The following FDCSP variants were observed in gnomAD, a reference collection of about 807,000 sequenced individuals.
The protein encoded by FDCSP is follicular dendritic cell secreted protein.
A neutral mutation model predicts 8.9 loss-of-function variants in FDCSP; 8 were observed. The observed-to-expected ratio is 0.90, with a 90% confidence interval of 0.53 to 1.63. The LOEUF is 1.63. Among genes scored for constraint, FDCSP ranks in the 40% most tolerant of loss-of-function variants. FDCSP has a pLI of 0.00. For synonymous variants in FDCSP, 34 were observed against 34.5 expected (o/e 0.98, Z 0.06); for missense variants, 101 against 103.6 (o/e 0.98, Z 0.11).
intron 1 of FDCSP, among the ~76,000 whole-genome samples, chr4:70,226,919 T>TG (rs1729996622): frequency 6.6e-6 from 1 of 151,920 alleles, no homozygotes; most frequent in Non-Finnish European, 1.5e-5. Flanking sequence ...GAATAATTCT[T>TG]GAAACCAGTT....
intron 4 of FDCSP, among the ~76,000 whole-genome samples, chr4:70,234,839 A>T (rs1217714485): frequency 1.3e-5 from 2 of 150,486 alleles, no homozygotes; most frequent in Non-Finnish European, 3.0e-5. Flanking sequence ...AATTTAATAT[A>T]TATAATTTAA....
chr4:70,232,908 G>A, intron 2 of FDCSP, 86 bp from the exon 3 acceptor site: 2 of 1,053,670 alleles, frequency 1.9e-6, no homozygotes, highest in East Asian at 2.7e-5. Context: ...AACAATATTA[G>A]GTAATAGATT....
At chr4:70,230,327 G>T (rs1226436646) in intron 1 of FDCSP, among the ~76,000 whole-genome samples, 3 of 151,764 alleles carry the variant, frequency 2.0e-5, no homozygotes, top group South Asian at 4.1e-4. Flanking sequence ...CAAGTAATAT[G>T]CACATGTTTA....
At chr4:70,230,735 T>C (rs1307737842) in intron 1 of FDCSP, among the ~76,000 whole-genome samples, 1 of 151,708 alleles carries the variant, frequency 6.6e-6, no homozygotes, top group Non-Finnish European at 1.5e-5. Context: ...GTATATGGAA[T>C]GTTGAACTCT....
intron 1 of FDCSP, among the ~76,000 whole-genome samples, chr4:70,230,789 T>C (rs1239028350): frequency 6.6e-6 from 1 of 151,820 alleles, no homozygotes. Context: ...TAACATTCTC[T>C]GTATAAACCA....
intron 2 of FDCSP, 71 bp downstream of exon 2, chr4:70,231,322 AC>A: frequency 8.1e-7 from 1 of 1,235,672 alleles, no homozygotes; most frequent in Non-Finnish European, 1.2e-6. Flanking sequence ...TCAACCAGGA[AC>A]CACATACACA....
At chr4:70,234,950 G>C (rs1730151130) in intron 4 of FDCSP, 135 bp from the exon 5 acceptor site, 1 of 151,414 alleles carries the variant, frequency 6.6e-6, no homozygotes, top group East Asian at 2.0e-4. Context: ...TCTACATCTT[G>C]AGCAGATGGT....
chr4:70,233,667 G>C (rs1730124932), intron 3 of FDCSP, among the ~76,000 whole-genome samples: 1 of 151,634 alleles, frequency 6.6e-6, no homozygotes, highest in African/African-American at 2.4e-5. Context: ...TAATGAAAGA[G>C]AGAAGTTGTT....
At chr4:70,232,926 A>G in intron 2 of FDCSP, 68 bp from the exon 3 acceptor site, 1 of 1,225,010 alleles carries the variant, frequency 8.2e-7, no homozygotes, top group Non-Finnish European at 1.2e-6. Context: ...ATTGTCATGC[A>G]TATGTATATA....
chr4:70,232,872 G>C, intron 2 of FDCSP, 122 bp from the exon 3 acceptor site: 1 of 843,832 alleles, frequency 1.2e-6, no homozygotes, highest in Non-Finnish European at 1.9e-6. Context: ...ACAAATTATG[G>C]GTATTTTAAA....
intron 1 of FDCSP, among the ~76,000 whole-genome samples, chr4:70,230,305 A>T (rs1440873943): frequency 6.6e-6 from 1 of 151,770 alleles, no homozygotes; most frequent in Non-Finnish European, 1.5e-5. Context: ...ATTTCCCATT[A>T]TTATTTGAAA....
chr4:70,233,112 C>A, intron 3 of FDCSP, 86 bp downstream of exon 3: 1 of 1,186,346 alleles, frequency 8.4e-7, no homozygotes, highest in East Asian at 2.5e-5. Flanking sequence ...TTATCTAAAC[C>A]TCCCAAACTG....
intron 1 of FDCSP, 43 bp downstream of exon 1, chr4:70,226,225 TC>T (rs1729982954): frequency 6.6e-6 from 1 of 151,958 alleles, no homozygotes; most frequent in African/African-American, 2.4e-5. Flanking sequence ...AGATTGTATA[TC>T]TATTTTGTAA....
intron 3 of FDCSP, 81 bp from the exon 4 acceptor site, chr4:70,233,939 C>T (rs1578249018): frequency 1.5e-6 from 2 of 1,329,726 alleles, no homozygotes; most frequent in East Asian, 4.7e-5. Context: ...AATAAAGGCC[C>T]ATTATTTAAA....
At chr4:70,230,279 C>T (rs759623032) in intron 1 of FDCSP, among the ~76,000 whole-genome samples, 10 of 151,608 alleles carry the variant, frequency 6.6e-5, no homozygotes, top group Non-Finnish European at 1.3e-4. Context: ...CCTAATGATA[C>T]CATCCAATAT....
At chr4:70,232,877 T>C in intron 2 of FDCSP, 117 bp from the exon 3 acceptor site, 17 of 913,736 alleles carry the variant, frequency 1.9e-5, no homozygotes, top group Non-Finnish European at 2.7e-5. Flanking sequence ...TTATGGGTAT[T>C]TTAAAAAATG....
intron 1 of FDCSP, 148 bp from the exon 2 acceptor site, chr4:70,231,047 A>G (rs1730070342): frequency 1.7e-6 from 1 of 575,012 alleles, no homozygotes. Context: ...CTAAGATTGT[A>G]AGTGACTTGC....
At chr4:70,229,062 T>C (rs1730036759) in intron 1 of FDCSP, among the ~76,000 whole-genome samples, 1 of 151,850 alleles carries the variant, frequency 6.6e-6, no homozygotes. Flanking sequence ...AAGTTCTAGA[T>C]GGTATCTTTC....
intron 3 of FDCSP, 103 bp from the exon 4 acceptor site, chr4:70,233,917 C>G: frequency 9.6e-7 from 1 of 1,041,960 alleles, no homozygotes; most frequent in Non-Finnish European, 1.4e-6. Context: ...GCTTCTAAAG[C>G]CTCTTCCTAA....
Sources: allele counts gnomAD v4.1 joint callset (sites outside exome capture counted in the v4.1 genomes callset), GRCh38; gene constraint gnomAD v4.1.1; transcripts MANE v1.5; gene names NCBI Gene and HGNC (gene_info 2026-07-23, HGNC 2026-07-21).